SEMA5A: variants seen among roughly 807,000 people sequenced by gnomAD.
SEMA5A encodes semaphorin-5A.
In SEMA5A, 55 loss-of-function variants were observed where a neutral mutation model predicts 135.5. The observed-to-expected ratio is 0.41, with a 90% confidence interval of 0.33 to 0.51. The LOEUF (loss-of-function observed/expected upper bound fraction) is 0.51, where lower values mean the gene tolerates loss of function less well. Ranked by LOEUF, SEMA5A falls within the 20% of genes least tolerant of loss-of-function variation. The pLI, the probability that SEMA5A is intolerant of heterozygous loss-of-function variation, is 0.37. For synonymous variants in SEMA5A, 580 were observed against 546.5 expected, an observed-to-expected ratio of 1.06 and a Z score of -0.85; for missense variants, 1,290 against 1,419.9, an observed-to-expected ratio of 0.91 and a Z score of 1.47.
intron 13 of SEMA5A, among the ~76,000 whole-genome samples, chr5:9,131,925 TA>T (rs1167767564): frequency 6.6e-6 from 1 of 152,116 alleles, no homozygotes; most frequent in Non-Finnish European, 1.5e-5. Flanking sequence ...CATGCATAAA[TA>T]AAACTCAAGT....
At chr5:9,185,360 C>T (rs372414100) in intron 11 of SEMA5A, among the ~76,000 whole-genome samples, 9 of 152,264 alleles carry the variant, frequency 5.9e-5, no homozygotes, top group African/African-American at 2.2e-4. Flanking sequence ...GCATATAAAC[C>T]TCTATATGAA....
chr5:9,111,757 G>C (rs1286722832), intron 15 of SEMA5A, among the ~76,000 whole-genome samples: 5 of 152,140 alleles, frequency 3.3e-5, no homozygotes, highest in Non-Finnish European at 2.9e-5. Context: ...CCCTGGAAGA[G>C]ACTGTTCAGA....
chr5:9,267,589 AAG>A (rs1292662638), intron 5 of SEMA5A, among the ~76,000 whole-genome samples: 1 of 152,128 alleles, frequency 6.6e-6, no homozygotes, highest in Non-Finnish European at 1.5e-5. Context: ...GTGTTTCTGA[AAG>A]AGAGTATTCC....
At chr5:9,232,699 A>G (rs1747701394) in intron 6 of SEMA5A, among the ~76,000 whole-genome samples, 1 of 152,186 alleles carries the variant, frequency 6.6e-6, no homozygotes, top group Non-Finnish European at 1.5e-5. Context: ...TTTTCAACTG[A>G]GCTGACTTCA....
rs1341463653 is a variant in SEMA5A, at chr5:9,534,055, C to A, written c.-175+11529G>T. On this transcript the variant is annotated intron_variant, in intron 1 of 22. Transcript: ENST00000382496. ...ACCCTATAAACTTTCAAGAAAGCAG[C>A]TTTCCCTAACCTGCTTTTGATTAGT... Among the ~76,000 whole-genome samples the A allele has an allele frequency of 5.3e-5, 8 of 152,212 alleles. 1 individual carries two copies. Among genetic ancestry groups the A allele is most frequent in the Non-Finnish European group, 8.8e-5 (6 of 68,042 alleles).
chr5:9,175,198 G>A (rs1258014204), intron 11 of SEMA5A, among the ~76,000 whole-genome samples: 1 of 152,020 alleles, frequency 6.6e-6, no homozygotes, highest in African/African-American at 2.4e-5. Context: ...TGTGTTCATG[G>A]AGGGTCAAGT....
chr5:9,046,796 C>T (rs901174046), intron 21 of SEMA5A, among the ~76,000 whole-genome samples: 2 of 152,216 alleles, frequency 1.3e-5, no homozygotes, highest in Non-Finnish European at 2.9e-5. Flanking sequence ...TGCATGGACA[C>T]TGTGAAGGGA....
At chr5:9,096,697 C>T (rs1205321834) in intron 16 of SEMA5A, among the ~76,000 whole-genome samples, 4 of 151,720 alleles carry the variant, frequency 2.6e-5, no homozygotes, top group African/African-American at 9.7e-5. Context: ...AAGTATACAT[C>T]AGATAAGGGA....
intron 5 of SEMA5A, among the ~76,000 whole-genome samples, chr5:9,242,493 A>G (rs1463559236): frequency 3.3e-5 from 5 of 152,234 alleles, no homozygotes; most frequent in Non-Finnish European, 4.4e-5. Context: ...ACAAGCAAGT[A>G]CAATTATAAC....
intron 11 of SEMA5A, among the ~76,000 whole-genome samples, chr5:9,170,798 T>A (rs1028117662): frequency 1.3e-5 from 2 of 152,126 alleles, no homozygotes; most frequent in Non-Finnish European, 2.9e-5. Context: ...TCGACAGTAG[T>A]TTTTTATAGC....
chr5:9,328,923 G>A (rs1010181738), intron 4 of SEMA5A, among the ~76,000 whole-genome samples: 1 of 152,212 alleles, frequency 6.6e-6, no homozygotes, highest in Non-Finnish European at 1.5e-5. Context: ...AGAGGACTAA[G>A]TCTAAACTTC....
intron 21 of SEMA5A, among the ~76,000 whole-genome samples, chr5:9,048,497 G>A (rs1248527588): frequency 2.0e-5 from 3 of 152,116 alleles, no homozygotes; most frequent in African/African-American, 7.2e-5. Flanking sequence ...AGAACTTCTA[G>A]GAAGACCCTT....
chr5:9,235,959 A>G (rs1251939082), intron 6 of SEMA5A, among the ~76,000 whole-genome samples: 1 of 152,144 alleles, frequency 6.6e-6, no homozygotes, highest in East Asian at 1.9e-4. Flanking sequence ...CATAGCAGCA[A>G]ATGAAGGGGA....
chr5:9,368,768 C>T (rs1466666668), intron 3 of SEMA5A, among the ~76,000 whole-genome samples: 1 of 152,134 alleles, frequency 6.6e-6, no homozygotes, highest in Non-Finnish European at 1.5e-5. Context: ...CTCCATTTTA[C>T]ATAATTAATT....
In SEMA5A at chr5:9,503,129, G is replaced by C. The variant is rs191986657; in HGVS notation, c.-175+42455C>G. ...AGTATTGAAAATAGCATAAAAGAGAGAGAGAGAGAGAGACAGAATGAATGA... is the reference window on the plus strand; with the variant it reads ...AGTATTGAAAATAGCATAAAAGAGACAGAGAGAGAGAGACAGAATGAATGA... On this transcript the variant is annotated intron_variant, in intron 1 of 22. Coordinates refer to ENST00000382496, the MANE Select transcript of SEMA5A (RefSeq NM_003966.3). Among the ~76,000 whole-genome samples the C allele has an allele frequency of 4.6e-5, 7 of 152,126 alleles. No individual in the cohort carries two copies. The East Asian group carries it at 1.2e-3, about 25-fold the overall frequency.
At chr5:9,147,841 C>A (rs1454743495) in intron 12 of SEMA5A, among the ~76,000 whole-genome samples, 1 of 151,976 alleles carries the variant, frequency 6.6e-6, no homozygotes, top group African/African-American at 2.4e-5. Flanking sequence ...AATTTTGCTT[C>A]CTTTCAAGGT....
intron 15 of SEMA5A, among the ~76,000 whole-genome samples, chr5:9,111,472 G>T (rs1437809347): frequency 6.6e-6 from 1 of 152,208 alleles, no homozygotes; most frequent in Non-Finnish European, 1.5e-5. Flanking sequence ...TGCTCAGCAT[G>T]TTATTATTGT....
chr5:9,436,619 G>A (rs749507249), intron 2 of SEMA5A, among the ~76,000 whole-genome samples: 6 of 152,202 alleles, frequency 3.9e-5, no homozygotes, highest in Non-Finnish European at 5.9e-5. Context: ...AATCAGCAAA[G>A]TGTTTTGTGA....
chr5:9,543,069 G>A (rs1419664125), intron 1 of SEMA5A, among the ~76,000 whole-genome samples: 2 of 152,168 alleles, frequency 1.3e-5, no homozygotes, highest in East Asian at 1.9e-4. Flanking sequence ...ACTGTGTCAC[G>A]ATTCAGATAG....
Sources: gnomAD v4.1 joint callset for allele counts (sites outside exome capture counted in the v4.1 genomes callset) on GRCh38, gnomAD v4.1.1 for gene constraint, MANE v1.5 for transcripts, NCBI Gene and HGNC (gene_info 2026-07-23, HGNC 2026-07-21) for gene names.